HPSE2: variants seen among roughly 807,000 people sequenced by gnomAD.
HPSE2 encodes heparanase 2 (inactive).
Under a neutral mutation model 60.5 loss-of-function variants are expected in HPSE2, and 38 were observed. That is an observed-to-expected ratio of 0.63 (90% CI 0.48 to 0.82). The LOEUF (loss-of-function observed/expected upper bound fraction) is 0.82. Ranked by LOEUF, HPSE2 falls within the 40% of genes least tolerant of loss-of-function variation. The pLI is 0.00. For missense variants in HPSE2, 713 were observed against 740.4 expected (o/e 0.96, Z 0.43); for synonymous variants, 295 against 293.2 (o/e 1.01, Z -0.06).
At chr10:99,048,366 G>GA (rs879182137) in intron 3 of HPSE2, 2,883 of 178,910 alleles carry the variant, frequency 0.016, 1 homozygote, top group South Asian at 0.044. Context: ...CTCTCAAACT[G>GA]AAAAAAAAAA....
chr10:98,937,862 A>G lies in HPSE2; in HGVS notation c.611-193806T>C, dbSNP rs897208690. On this transcript the variant is annotated intron_variant, in intron 3 of 11. Transcript: ENST00000370552. ...CCCAGTAGGGGCAGACTGACACCTC[A>G]CATGGCCCAGTACTCCTCTGAGACA... Among the ~76,000 whole-genome samples the G allele has an allele frequency of 7.0e-5, 10 of 143,212 alleles. 1 individual carries two copies. The highest frequency in any genetic ancestry group is 2.9e-4 in the African/African-American group (10 of 35,076). The allele number at this position is 143,212 out of a possible 152,430, so 94.0% of individuals were successfully genotyped here.
chr10:98,708,699 G>A (rs1948606962), intron 5 of HPSE2, among the ~76,000 whole-genome samples: 1 of 152,048 alleles, frequency 6.6e-6, no homozygotes, highest in African/African-American at 2.4e-5. Flanking sequence ...GTTTGAGGAG[G>A]AAAAAATCAA....
intron 3 of HPSE2, among the ~76,000 whole-genome samples, chr10:98,804,036 A>T (rs1485983476): frequency 6.6e-6 from 1 of 151,878 alleles, no homozygotes; most frequent in Non-Finnish European, 1.5e-5. Flanking sequence ...GAGGTCCTTC[A>T]CGTCCCTTGT....
chr10:98,935,161 G>A (rs1954752765), intron 3 of HPSE2, among the ~76,000 whole-genome samples: 1 of 142,026 alleles, frequency 7.0e-6, no homozygotes, highest in Non-Finnish European at 1.5e-5. Context: ...CTCTAGACTG[G>A]TTATTCTAGT....
chr10:99,075,787 C>A (rs1290971376), intron 3 of HPSE2, among the ~76,000 whole-genome samples: 1 of 152,012 alleles, frequency 6.6e-6, no homozygotes, highest in Admixed American at 6.6e-5. Flanking sequence ...CATCTTTTGT[C>A]TCTTGTAACA....
chr10:98,813,771 TC>T (rs1445592781), intron 3 of HPSE2, among the ~76,000 whole-genome samples: 1 of 152,214 alleles, frequency 6.6e-6, no homozygotes, highest in African/African-American at 2.4e-5. Context: ...GTTCATCATA[TC>T]TTTAAATTGC....
intron 3 of HPSE2, among the ~76,000 whole-genome samples, chr10:98,892,236 ATATGT>A (rs1953355533): frequency 6.8e-6 from 1 of 146,550 alleles, no homozygotes. Flanking sequence ...AATTTACACT[ATATGT>A]TATAAGAGAT....
At chr10:98,601,596 T>C (rs149928633) in intron 9 of HPSE2, among the ~76,000 whole-genome samples, 91 of 152,330 alleles carry the variant, frequency 6.0e-4, no homozygotes, top group African/African-American at 2.1e-3. Flanking sequence ...TGCAGCTACT[T>C]ACACAGGCAA....
At chr10:98,589,670 A>C (rs1245271650) in intron 9 of HPSE2, among the ~76,000 whole-genome samples, 1 of 152,166 alleles carries the variant, frequency 6.6e-6, no homozygotes, top group Non-Finnish European at 1.5e-5. Flanking sequence ...CCTTCTCTAG[A>C]ACTTTTAATC....
At chr10:99,178,576 G>A (rs1847628952) in intron 2 of HPSE2, among the ~76,000 whole-genome samples, 1 of 152,068 alleles carries the variant, frequency 6.6e-6, no homozygotes, top group Non-Finnish European at 1.5e-5. Flanking sequence ...CCAGGAAGAA[G>A]TCAAATCCCT....
upstream of HPSE2, among the ~76,000 whole-genome samples, chr10:99,238,031 A>G (rs1849901352): frequency 6.6e-6 from 1 of 152,226 alleles, no homozygotes; most frequent in Non-Finnish European, 1.5e-5. Flanking sequence ...TCTGTTCAAT[A>G]ATTTGTTTTC....
intron 3 of HPSE2, among the ~76,000 whole-genome samples, chr10:98,759,854 T>C (rs1190814536): frequency 6.6e-6 from 1 of 152,156 alleles, no homozygotes; most frequent in Non-Finnish European, 1.5e-5. Flanking sequence ...TTGATATGAA[T>C]TGCATTGAAT....
chr10:98,637,657 C>T (rs1946531483), intron 7 of HPSE2, among the ~76,000 whole-genome samples: 1 of 152,178 alleles, frequency 6.6e-6, no homozygotes, highest in Admixed American at 6.5e-5. Flanking sequence ...GCCCAATACC[C>T]TATTCAAACA....
chr10:98,799,467 C>T (rs1950856827), intron 3 of HPSE2, among the ~76,000 whole-genome samples: 1 of 152,096 alleles, frequency 6.6e-6, no homozygotes, highest in African/African-American at 2.4e-5. Context: ...ACATTCCATC[C>T]ACTGGCTGCA....
intron 3 of HPSE2, among the ~76,000 whole-genome samples, chr10:99,038,773 T>C (rs1191660388): frequency 6.6e-6 from 1 of 152,176 alleles, no homozygotes; most frequent in Non-Finnish European, 1.5e-5. Flanking sequence ...CTATTATCTT[T>C]GCAACTTCCT....
intron 2 of HPSE2, among the ~76,000 whole-genome samples, chr10:99,163,727 C>A (rs1846942340): frequency 6.6e-6 from 1 of 151,940 alleles, no homozygotes; most frequent in South Asian, 2.1e-4. Context: ...TCTCCTTAGT[C>A]TTCTCTGAAC....
chr10:99,151,639 G>T (rs989622063), intron 2 of HPSE2, among the ~76,000 whole-genome samples: 1 of 152,092 alleles, frequency 6.6e-6, no homozygotes, highest in African/African-American at 2.4e-5. Context: ...AAGGGAACAA[G>T]TAATACAATT....
intron 2 of HPSE2, among the ~76,000 whole-genome samples, chr10:99,208,975 A>C (rs1019799613): frequency 3.9e-5 from 6 of 152,372 alleles, no homozygotes; most frequent in African/African-American, 1.4e-4. Flanking sequence ...TCTGTGCAAC[A>C]AACATTGCAG....
At chr10:99,299,479 T>C in the HPSE2 span, among the ~76,000 whole-genome samples, 7 of 152,246 alleles carry the variant, frequency 4.6e-5, no homozygotes, top group Admixed American at 3.3e-4. Context: ...AAGTTGACCA[T>C]GTCTTTTGCT....
Sources: gnomAD v4.1 joint callset for allele counts (sites outside exome capture counted in the v4.1 genomes callset) on GRCh38, gnomAD v4.1.1 for gene constraint, MANE v1.5 for transcripts, NCBI Gene and HGNC (gene_info 2026-07-23, HGNC 2026-07-21) for gene names.